Variants in ARHGAP6 observed in about 807,000 individuals in gnomAD.
ARHGAP6 encodes Rho GTPase activating protein 6, also known as rho GTPase-activating protein 6.
ARHGAP6 carries 16 observed loss-of-function variants against 55.7 expected under a neutral mutation model. That is an observed-to-expected ratio of 0.29 (90% confidence interval 0.19 to 0.44). The LOEUF (loss-of-function observed/expected upper bound fraction) is 0.44. Ranked by LOEUF, ARHGAP6 falls within the 20% of genes least tolerant of loss-of-function variation. ARHGAP6 has a pLI of 1.00. For missense variants in ARHGAP6, 698 were observed against 808.9 expected, an observed-to-expected ratio of 0.86 and a Z score of 1.66; for synonymous variants, 382 against 360.9, an observed-to-expected ratio of 1.06 and a Z score of -0.66.
At chrX:11,354,327 C>CTCTCTCTCTATATATA (rs1343744315) in intron 1 of ARHGAP6, among the ~76,000 whole-genome samples, 11 of 32,346 alleles carry the variant, frequency 3.4e-4, no homozygotes, top group African/African-American at 5.4e-4. Flanking sequence ...CTCTCTCTCT[C>CTCTCTCTCTATATATA]TATATATATA....
chrX:11,171,120 G>A (rs1345409161), intron 8 of ARHGAP6, among the ~76,000 whole-genome samples: 1 of 111,020 alleles, frequency 9.0e-6, no homozygotes, highest in African/African-American at 3.3e-5. Context: ...GAGCTAAAGG[G>A]GAGTACGGGG....
chrX:11,594,211 G>C (rs1024951905), intron 1 of ARHGAP6, among the ~76,000 whole-genome samples: 1 of 110,745 alleles, frequency 9.0e-6, no homozygotes, highest in African/African-American at 3.3e-5. Flanking sequence ...AATTTTCCAT[G>C]CTCCCTTTGC....
chrX:11,569,312 T>C (rs1388850822), intron 1 of ARHGAP6, among the ~76,000 whole-genome samples: 2 of 110,930 alleles, frequency 1.8e-5, no homozygotes, highest in African/African-American at 6.6e-5. Context: ...GTCAATGGTG[T>C]CTCAGTTGAG....
chrX:11,431,555 A>G (rs2049940644), intron 1 of ARHGAP6, among the ~76,000 whole-genome samples: 1 of 111,728 alleles, frequency 9.0e-6, no homozygotes, highest in Admixed American at 9.5e-5. Context: ...ATGGCAGGAC[A>G]GGCCCTTCTT....
intron 2 of ARHGAP6, among the ~76,000 whole-genome samples, chrX:11,230,608 GGA>G (rs757474683): frequency 1.0e-3 from 96 of 95,272 alleles, no homozygotes; most frequent in African/African-American, 3.2e-3. Context: ...AAAGTTATTA[GGA>G]GTGTGTGTGT....
chrX:11,402,770 T>C lies in ARHGAP6; in HGVS notation c.589-148063A>G, dbSNP rs16986448. Reference sequence around the variant, plus strand: ...CTCTGTTACATAAAGCATTAGGTGTTCTGGGGAATAATTGAGCATCAGTTG... The same window carrying C: ...CTCTGTTACATAAAGCATTAGGTGTCCTGGGGAATAATTGAGCATCAGTTG... On this transcript the variant is annotated intron_variant, in intron 1 of 12. Coordinates refer to ENST00000337414, the MANE Select transcript of ARHGAP6 (RefSeq NM_013427.3). 6.4e-3 allele frequency among the ~76,000 whole-genome samples: 713 copies of C among 111,893 alleles called. 4 individuals carry two copies. Among genetic ancestry groups the C allele is most frequent in the African/African-American group, 0.022 (671 of 30,778 alleles).
intron 1 of ARHGAP6, among the ~76,000 whole-genome samples, chrX:11,257,615 T>G (rs902954086): frequency 8.9e-6 from 1 of 112,369 alleles, no homozygotes; most frequent in Admixed American, 9.4e-5. Flanking sequence ...TCCTGGTTAA[T>G]TAATTCAAAC....
chrX:11,456,922 T>C (rs2050198904), intron 1 of ARHGAP6, among the ~76,000 whole-genome samples: 1 of 111,915 alleles, frequency 8.9e-6, no homozygotes, highest in African/African-American at 3.3e-5. Context: ...ATTATTTTTA[T>C]CCTTAAAAGA....
chrX:11,446,757 G>A (rs144428490), intron 1 of ARHGAP6, among the ~76,000 whole-genome samples: 4,696 of 111,937 alleles, frequency 0.042, 255 homozygotes, highest in African/African-American at 0.15. Flanking sequence ...ACTTTACAGA[G>A]ACAATGAAAC....
rs566121246 is a variant in ARHGAP6 at position 11,431,432 on chromosome X, T to C, written c.589-176725A>G. On this transcript the variant is annotated intron_variant, in intron 1 of 12. Transcript: ENST00000337414. ...TAAAATTTTCCACAGTTAATGCCAATGCAAGGGTGATTACTTTTTTCAGAA... is the reference window on the plus strand; with the variant it reads ...TAAAATTTTCCACAGTTAATGCCAACGCAAGGGTGATTACTTTTTTCAGAA... Among the ~76,000 whole-genome samples the C allele has an allele frequency of 4.4e-5, 5 of 113,001 alleles. No homozygotes were observed. The South Asian group carries it at 1.5e-3, about 33-fold the overall frequency.
At chrX:11,617,829 G>A (rs2052183060) in intron 1 of ARHGAP6, among the ~76,000 whole-genome samples, 1 of 111,597 alleles carries the variant, frequency 9.0e-6, no homozygotes, top group Non-Finnish European at 1.9e-5. Flanking sequence ...ATGCTTGAAT[G>A]CAGGTGGGCC....
chrX:11,462,528 C>G (rs1406868235), intron 1 of ARHGAP6, among the ~76,000 whole-genome samples: 2 of 112,277 alleles, frequency 1.8e-5, no homozygotes, highest in East Asian at 5.5e-4. Context: ...AGAATAGAAA[C>G]ATAGCAGCGA....
intron 1 of ARHGAP6, among the ~76,000 whole-genome samples, chrX:11,315,683 T>C (rs1843617509): frequency 1.8e-5 from 2 of 112,354 alleles, no homozygotes; most frequent in Middle Eastern, 4.6e-3. Flanking sequence ...AGCCATGTTT[T>C]TGACGTCAAT....
chrX:11,519,484 T>C (rs1208010394), intron 1 of ARHGAP6, among the ~76,000 whole-genome samples: 1 of 110,266 alleles, frequency 9.1e-6, no homozygotes, highest in Non-Finnish European at 1.9e-5. Flanking sequence ...ATGGGGTTGT[T>C]TTTTTCTTGT....
chrX:11,590,699 C>T (rs1398748911), intron 1 of ARHGAP6, among the ~76,000 whole-genome samples: 2 of 102,907 alleles, frequency 1.9e-5, no homozygotes, highest in East Asian at 3.0e-4. Flanking sequence ...GCATGAGAAT[C>T]GCTTGAACCC....
chrX:11,323,260 T>C lies in ARHGAP6; in HGVS notation c.589-68553A>G, dbSNP rs1486167439. On this transcript the variant is annotated intron_variant, in intron 1 of 12. Transcript: ENST00000337414. ...GTATGAGGGGACTTCAAAAAGTTCA[T>C]AGAAAATATGCATTATGAAAGAACT... Among the ~76,000 whole-genome samples the C allele has an allele frequency of 8.0e-5, 9 of 112,560 alleles. No individual in the cohort carries two copies. The South Asian group carries it at 1.8e-3, about 23-fold the overall frequency.
chrX:11,265,975 C>T, intron 1 of ARHGAP6: 1 of 934,133 alleles, frequency 1.1e-6, no homozygotes, highest in Non-Finnish European at 1.3e-6. Flanking sequence ...CAGAGGCAGG[C>T]TGTGTCCCTG....
chrX:11,351,332 T>A, intron 1 of ARHGAP6: 1 of 948,059 alleles, frequency 1.1e-6, no homozygotes, highest in Non-Finnish European at 1.3e-6. Context: ...TATATTAAAA[T>A]AAACATTCAT....
At chrX:11,408,858 A>C (rs2049643275) in intron 1 of ARHGAP6, among the ~76,000 whole-genome samples, 1 of 109,921 alleles carries the variant, frequency 9.1e-6, no homozygotes, top group Non-Finnish European at 1.9e-5. Flanking sequence ...CAATTTCATC[A>C]CATCTCTTTT....
Sources: gnomAD v4.1 joint callset for allele counts (sites outside exome capture counted in the v4.1 genomes callset) on GRCh38, gnomAD v4.1.1 for gene constraint, MANE v1.5 for transcripts, NCBI Gene and HGNC (gene_info 2026-07-23, HGNC 2026-07-21) for gene names.